Variants in ZFP64 observed in about 807,000 individuals in gnomAD.
ZFP64 encodes the protein zinc finger protein 64.
In ZFP64, 14 loss-of-function variants were observed where a neutral mutation model predicts 51.6. The ratio of observed to expected loss-of-function variants is 0.27; its 90% CI spans 0.18 to 0.42. The LOEUF is 0.42. ZFP64 is among the 10% of genes least tolerant of loss of function. ZFP64 has a pLI of 1.00. For missense variants in ZFP64, 754 were observed against 906.8 expected (o/e 0.83, Z 2.16); for synonymous variants, 375 against 361.4 (o/e 1.04, Z -0.43).
chr20:52,149,265 C>T (rs1404253413), downstream of ZFP64, among the ~76,000 whole-genome samples: 1 of 140,266 alleles, frequency 7.1e-6, no homozygotes, highest in African/African-American at 2.7e-5. Context: ...ACTTTTGAAT[C>T]TACTTACAGA....
Position 52,123,054 on chromosome 20 carries a change from G to A in ZFP64, c.764-24467C>T, listed in dbSNP as rs551698680. Among the ~76,000 whole-genome samples the A allele has an allele frequency of 3.3e-5, 5 of 151,986 alleles. No individual in the cohort carries two copies. In the South Asian group the frequency reaches 6.3e-4, roughly 19 times the overall value. On this transcript the variant is annotated intron_variant, in intron 5 of 8. Coordinates refer to the ZFP64 transcript ENST00000361387. ...CCAGGTTGGAGTGCAGTGGTGGTGC[G>A]ATCTTGGCTCACTGCAACCTCCACC...
chr20:52,182,124 A>G (rs2123113703), intron 2 of ZFP64, among the ~76,000 whole-genome samples: 1 of 152,336 alleles, frequency 6.6e-6, no homozygotes. Context: ...CAATAACGCA[A>G]TGATGATTAG....
chr20:52,095,706 C>T (rs976898459), intron 7 of ZFP64, among the ~76,000 whole-genome samples: 4 of 152,206 alleles, frequency 2.6e-5, no homozygotes, highest in Non-Finnish European at 4.4e-5. Flanking sequence ...CCCCAGCATG[C>T]TCTGCGGTAC....
At position 52,137,169 on chromosome 20, in the gene ZFP64, G is replaced by A. The variant is rs1447334345; in HGVS notation, c.763+22954C>T. Among the ~76,000 whole-genome samples, 9 of 152,274 alleles carry A rather than the reference G, an allele frequency of 5.9e-5. No individual in the cohort carries two copies. In the East Asian group the frequency reaches 1.7e-3, roughly 29 times the overall value. ...TTTATATAGCCATAATTTTGTTGCT[G>A]AGAAGTATGATGAAATAAATAATAA... is the stretch of plus-strand genomic sequence containing the variant. On this transcript the variant is annotated intron_variant, in intron 5 of 8. Coordinates refer to the ZFP64 transcript ENST00000361387.
At chr20:52,156,196 T>C (rs1453056605) in intron 5 of ZFP64, among the ~76,000 whole-genome samples, 1 of 152,208 alleles carries the variant, frequency 6.6e-6, no homozygotes, top group African/African-American at 2.4e-5. Context: ...TGCTGTAGAT[T>C]ATAAAAATGT....
intron 5 of ZFP64, among the ~76,000 whole-genome samples, chr20:52,159,578 C>G (rs552511045): frequency 6.6e-6 from 1 of 152,200 alleles, no homozygotes; most frequent in East Asian, 1.9e-4. Flanking sequence ...GGGCCAGGCA[C>G]GGTGGCTCAC....
At chr20:52,112,110 A>AC (rs1978627131) in intron 5 of ZFP64, among the ~76,000 whole-genome samples, 2 of 148,382 alleles carry the variant, frequency 1.3e-5, no homozygotes, top group Admixed American at 6.8e-5. Context: ...ACAAAAAAAA[A>AC]ACAAGAATCC....
intron 4 of ZFP64, among the ~76,000 whole-genome samples, chr20:52,162,585 C>T (rs1390471844): frequency 6.6e-6 from 1 of 152,072 alleles, no homozygotes; most frequent in Non-Finnish European, 1.5e-5. Context: ...CAAGATCGCG[C>T]CACTGCACTC....
chr20:52,174,065 A>G (rs1192589653), intron 2 of ZFP64, among the ~76,000 whole-genome samples: 1 of 152,244 alleles, frequency 6.6e-6, no homozygotes, highest in Non-Finnish European at 1.5e-5. Context: ...AAGTGAGGAC[A>G]GACCCTTGTT....
intron 8 of ZFP64, among the ~76,000 whole-genome samples, chr20:52,087,130 C>T (rs1311833214): frequency 6.6e-6 from 1 of 152,172 alleles, no homozygotes; most frequent in Non-Finnish European, 1.5e-5. Context: ...GCCAATACTA[C>T]CCAGACATAT....
intron 2 of ZFP64, among the ~76,000 whole-genome samples, chr20:52,184,943 T>C (rs1031694683): frequency 6.6e-6 from 1 of 152,166 alleles, no homozygotes; most frequent in Non-Finnish European, 1.5e-5. Context: ...TAACTCTCTC[T>C]TGACGTATAC....
chr20:52,181,783 T>C (rs1240383560), intron 2 of ZFP64, among the ~76,000 whole-genome samples: 1 of 152,158 alleles, frequency 6.6e-6, no homozygotes, highest in African/African-American at 2.4e-5. Flanking sequence ...GGCACCGGTA[T>C]CCTTAACAAG....
intron 5 of ZFP64, among the ~76,000 whole-genome samples, chr20:52,145,046 T>C (rs1326372755): frequency 1.3e-5 from 2 of 152,176 alleles, no homozygotes; most frequent in Non-Finnish European, 2.9e-5. Flanking sequence ...ATAGTCAAAC[T>C]ATTTCAGGTC....
chr20:52,154,334 G>GT (rs773311439), intron 5 of ZFP64, among the ~76,000 whole-genome samples: 97 of 152,230 alleles, frequency 6.4e-4, no homozygotes, highest in Non-Finnish European at 1.1e-3. Flanking sequence ...TATTAATATT[G>GT]TTTTTTAACA....
Position 52,153,083 on chromosome 20 carries a change from G to T in ZFP64, c.1109C>A (p.Pro370His), listed in dbSNP as rs747709808. The change falls in exon 6 of 6, where the codon CCT becomes CAT. Residue 370 changes from proline to histidine, a missense_variant. By Grantham distance (77) the Pro-to-His change is moderately conservative. This residue lies in a region of ZFP64 where 428 missense variants were observed against 472.4 expected (regional missense o/e 0.91). Transcript: ENST00000216923. The surrounding 1 kb of genome is among the most constrained non-coding windows in gnomAD (Gnocchi z 5.1). Reference protein sequence around the residue: ...IHERIHCTDRPFKCNYCSFDT... With the variant: ...IHERIHCTDRHFKCNYCSFDT... ...GAAGCTGCAGTAGTTGCACTTGAAA[G>T]GGCGGTCGGTGCAGTGGATACGCTC... 1.9e-6 allele frequency: 3 copies of T among 1,614,222 alleles called. No individual in the cohort carries two copies. The highest frequency in any genetic ancestry group is 2.5e-6 in the Non-Finnish European group (3 of 1,180,048).
Position 52,152,413 on chromosome 20 carries a change from G to T in ZFP64, c.1779C>A (p.Gly593=), listed in dbSNP as rs1244990243. The change falls in exon 6 of 6, where the codon GGC becomes GGA. Residue 593 remains glycine (G), a synonymous_variant. Transcript: ENST00000216923. The stretch of plus-strand genomic sequence containing the variant: ...TTTGATTGCCAGAGCCTTCCTGGGG[G>T]CCACCTGAGGCCGTGGGGATGAGAG... The part of the protein sequence containing the change: ...HQTLIPTASG[G]PQEGSGNQTF... 7 of 1,614,194 alleles carry T rather than the reference G, an allele frequency of 4.3e-6. No homozygotes were observed. The highest frequency in any genetic ancestry group is 5.9e-6 in the Non-Finnish European group (7 of 1,180,040).
chr20:52,159,203 GT>G (rs1981569417), intron 5 of ZFP64, among the ~76,000 whole-genome samples: 2 of 152,184 alleles, frequency 1.3e-5, no homozygotes, highest in Admixed American at 1.3e-4. Flanking sequence ...AGATTTCATG[GT>G]TGTTACTGCA....
chr20:52,161,494 T>C (rs1182830259), intron 4 of ZFP64, among the ~76,000 whole-genome samples: 1 of 142,852 alleles, frequency 7.0e-6, no homozygotes, highest in Non-Finnish European at 1.5e-5. Flanking sequence ...ACTGCCTCCC[T>C]ATTGACTACT....
Position 52,181,887 on chromosome 20 carries a change from T to C in ZFP64, c.286+4945A>G, listed in dbSNP as rs142243281. Among the ~76,000 whole-genome samples the C allele has an allele frequency of 3.5e-3, 538 of 152,132 alleles. 3 individuals carry two copies. Among genetic ancestry groups the C allele is most frequent in the African/African-American group, 0.012 (504 of 41,500 alleles). On this transcript the variant is annotated intron_variant, in intron 2 of 5. Transcript: ENST00000216923. The stretch of plus-strand genomic sequence containing the variant: ...GGAGGAATTGCACCCAGAAAACCAA[T>C]CTAATAAGTGTAAAAAAGAAAAGAA...
Sources: allele counts gnomAD v4.1 joint callset (sites outside exome capture counted in the v4.1 genomes callset), GRCh38; gene constraint gnomAD v4.1.1; regional missense constraint gnomAD v4.1.1; non-coding constraint Gnocchi (gnomAD v3.1); transcripts MANE v1.5; gene names NCBI Gene and HGNC (gene_info 2026-07-23, HGNC 2026-07-21).